The following DCDC2 variants were observed in gnomAD, a reference collection of about 807,000 sequenced individuals.
DCDC2 encodes the protein doublecortin domain containing 2.
A neutral mutation model predicts 50.2 loss-of-function variants in DCDC2; 40 were observed. That is an observed-to-expected ratio of 0.80 (90% CI 0.62 to 1.04). DCDC2 has a LOEUF of 1.04. Ranked by LOEUF, DCDC2 falls within the 50% of genes least tolerant of loss-of-function variation. DCDC2 has a pLI of 0.00. For synonymous variants in DCDC2, 234 were observed against 210.6 expected, an observed-to-expected ratio of 1.11 and a Z score of -0.96; for missense variants, 570 against 581.9, an observed-to-expected ratio of 0.98 and a Z score of 0.21.
chr6:24,381,860 A>AAGGAAGGAAGGAAGGAAGGG, the DCDC2 span, among the ~76,000 whole-genome samples: 2 of 140,558 alleles, frequency 1.4e-5, no homozygotes, highest in East Asian at 4.2e-4. Context: ...GGAAGGAAGG[A>AAGGAAGGAAGGAAGGAAGGG]GAAATAAAAG....
At chr6:24,307,152 T>C (rs979917666) in intron 2 of DCDC2, among the ~76,000 whole-genome samples, 3 of 152,134 alleles carry the variant, frequency 2.0e-5, no homozygotes, top group Non-Finnish European at 4.4e-5. Flanking sequence ...AGTGGAAATA[T>C]CACTCCCTGG....
At position 24,172,288 on chromosome 6, in the gene DCDC2, G is replaced by C. The variant is rs1319273941; in HGVS notation, c.*2442C>G. The C allele has an allele frequency of 1.3e-5, 2 of 152,104 alleles. No homozygotes were observed. Among genetic ancestry groups the C allele is most frequent in the Non-Finnish European group, 2.9e-5 (2 of 68,030 alleles). The allele number at this position is 152,104 out of a possible 1,614,324, so 9.4% of individuals were successfully genotyped here. A position where few individuals can be genotyped will look rare whatever the true frequency, so the allele number is the denominator to read the frequency against. ...AGTCGTTATTCATCCCCTCAAAGTA[G>C]GTCACAATTGTATCTTGTCAACAAG... On this transcript the variant is annotated 3_prime_UTR_variant, in exon 10 of 10. Coordinates refer to ENST00000378454, the MANE Select transcript of DCDC2 (RefSeq NM_016356.5).
intron 4 of DCDC2, 89 bp downstream of exon 4, chr6:24,301,626 C>T: frequency 6.6e-7 from 1 of 1,518,172 alleles, no homozygotes; most frequent in Non-Finnish European, 8.9e-7. Flanking sequence ...AGCCAAAATT[C>T]AAATCCACAG....
At chr6:24,331,939 T>C (rs905082665) in intron 2 of DCDC2, among the ~76,000 whole-genome samples, 1 of 152,248 alleles carries the variant, frequency 6.6e-6, no homozygotes, top group East Asian at 1.9e-4. Context: ...TTTTTAAGTG[T>C]ATTTAATTCT....
intron 8 of DCDC2, among the ~76,000 whole-genome samples, chr6:24,184,583 T>A (rs10946685): frequency 6.1e-4 from 91 of 148,668 alleles, no homozygotes; most frequent in African/African-American, 1.5e-3. Flanking sequence ...AAAATAAAAA[T>A]AAAAAAAAAA....
intron 2 of DCDC2, among the ~76,000 whole-genome samples, chr6:24,331,017 G>A (rs1759955456): frequency 1.3e-5 from 2 of 152,156 alleles, no homozygotes; most frequent in African/African-American, 4.8e-5. Flanking sequence ...CTTCTTCCCT[G>A]TTCCTTCCAG....
chr6:24,197,563 A>G (rs1387260632), intron 8 of DCDC2, among the ~76,000 whole-genome samples: 9 of 152,210 alleles, frequency 5.9e-5, no homozygotes, highest in Non-Finnish European at 1.0e-4. Context: ...CTATAACTGG[A>G]GTTTATGAAA....
rs1279709672 is a variant in DCDC2, at chr6:24,291,008, C to T, written c.628G>A (p.Val210Ile). 2 of 1,614,020 alleles carry T rather than the reference C, an allele frequency of 1.2e-6. No individual in the cohort carries two copies. ...AGTTTCTTAAACTTATCTCTGCCAA[C>T]AGCCACATAAAACTGCCCATTCTCC... ...ELENGQFYVAVGRDKFKKLPY... is the reference protein window; with the variant it reads ...ELENGQFYVAIGRDKFKKLPY... The change falls in exon 5 of 10, where the codon GTT (valine) becomes ATT (isoleucine). Residue 210 changes from valine to isoleucine, a missense_variant. Val to Ile is a conservative substitution (Grantham distance 29). Transcript: ENST00000378454.
At chr6:24,262,522 G>C (rs534486469) in intron 7 of DCDC2, among the ~76,000 whole-genome samples, 1 of 152,142 alleles carries the variant, frequency 6.6e-6, no homozygotes, top group Non-Finnish European at 1.5e-5. Flanking sequence ...TGAGACACCA[G>C]CCAGGGTGGC....
intron 2 of DCDC2, among the ~76,000 whole-genome samples, chr6:24,352,993 G>C (rs1760400056): frequency 1.3e-5 from 2 of 152,190 alleles, no homozygotes; most frequent in African/African-American, 2.4e-5. Flanking sequence ...GGTTTCAGAA[G>C]CTACGTGGAA....
chr6:24,250,183 T>C (rs1397923166), intron 7 of DCDC2, among the ~76,000 whole-genome samples: 1 of 152,122 alleles, frequency 6.6e-6, no homozygotes, highest in East Asian at 1.9e-4. Flanking sequence ...TAGAAGACAA[T>C]TGGCAAGAGC....
At chr6:24,208,183 T>C (rs533714837) in intron 7 of DCDC2, among the ~76,000 whole-genome samples, 1 of 152,212 alleles carries the variant, frequency 6.6e-6, no homozygotes, top group Admixed American at 6.5e-5. Flanking sequence ...TTTTCATGTC[T>C]CACCCTATGC....
intron 8 of DCDC2, among the ~76,000 whole-genome samples, chr6:24,202,414 C>T (rs1057163976): frequency 1.1e-4 from 17 of 152,046 alleles, no homozygotes; most frequent in Non-Finnish European, 2.2e-4. Flanking sequence ...CAGAAAAGGC[C>T]TTTGATAAAA....
At chr6:24,185,724 CACAT>C (rs57262857) in intron 8 of DCDC2, among the ~76,000 whole-genome samples, 3,395 of 139,954 alleles carry the variant, frequency 0.024, 74 homozygotes, top group African/African-American at 0.073. Context: ...CACACACACA[CACAT>C]ATACACACAG....
At chr6:24,334,863 G>A (rs543997473) in intron 2 of DCDC2, among the ~76,000 whole-genome samples, 2 of 152,286 alleles carry the variant, frequency 1.3e-5, no homozygotes, top group East Asian at 3.9e-4. Flanking sequence ...TCTGGTTTCA[G>A]TGATGTATCA....
chr6:24,355,230 T>G (rs1234581185), intron 1 of DCDC2, among the ~76,000 whole-genome samples: 1 of 152,094 alleles, frequency 6.6e-6, no homozygotes, highest in Non-Finnish European at 1.5e-5. Context: ...GCAAATCTCT[T>G]AGAGAGACTT....
chr6:24,258,841 A>C (rs998072888), intron 7 of DCDC2, among the ~76,000 whole-genome samples: 1 of 152,164 alleles, frequency 6.6e-6, no homozygotes, highest in East Asian at 1.9e-4. Flanking sequence ...AGCTGTACCA[A>C]TCAATAGGAG....
chr6:24,379,053 G>A, the DCDC2 span, among the ~76,000 whole-genome samples: 1 of 151,566 alleles, frequency 6.6e-6, no homozygotes, highest in Non-Finnish European at 1.5e-5. Context: ...ACTCAAGATG[G>A]ATTAAAGACT....
rs754991150 is a variant in DCDC2, at chr6:24,178,444, T to G, written c.1212A>C (p.Val404=). The G allele has an allele frequency of 1.9e-6, 3 of 1,614,234 alleles. No individual in the cohort carries two copies. The highest frequency in any genetic ancestry group is 2.5e-6 in the Non-Finnish European group (3 of 1,180,036). Residue 404 remains valine (V), a synonymous_variant, in exon 9 of 10, where the codon GTA becomes GTC. Coordinates refer to ENST00000378454, the MANE Select transcript of DCDC2 (RefSeq NM_016356.5). ...CATTCTCCTCATCGGTGCCTCCATT[T>G]ACACGAGCAGGGCGTGCCTGCTGCT... is the stretch of plus-strand genomic sequence containing the variant. The part of the protein sequence containing the change: ...HSEQQARPAR[V]NGGTDEENGE...
Sources: gnomAD v4.1 joint callset for allele counts (sites outside exome capture counted in the v4.1 genomes callset) on GRCh38, gnomAD v4.1.1 for gene constraint, MANE v1.5 for transcripts, NCBI Gene and HGNC (gene_info 2026-07-23, HGNC 2026-07-21) for gene names.